Variants in CAST observed in about 807,000 individuals in gnomAD.
The protein encoded by CAST is calpastatin, also known as MIR583 host.
CAST carries 76 observed loss-of-function variants against 119.6 expected under a neutral mutation model. The observed-to-expected ratio is 0.64, with a 90% CI of 0.53 to 0.77. The LOEUF is 0.77. Among genes scored for constraint, CAST ranks in the 30% least tolerant of loss-of-function variants. The probability of loss-of-function intolerance (pLI) is 0.00; values close to 1 mark genes in which losing one functional copy is unlikely to be tolerated. For missense variants in CAST, 953 were observed against 946.5 expected (o/e 1.01, Z -0.09); for synonymous variants, 319 against 331.6 (o/e 0.96, Z 0.41).
At chr5:96,230,501 C>T in the CAST span, among the ~76,000 whole-genome samples, 4 of 152,130 alleles carry the variant, frequency 2.6e-5, no homozygotes, top group Non-Finnish European at 4.4e-5. Context: ...TCTCACTTTC[C>T]ATTCATTCAC....
At chr5:96,740,287 A>G (rs1024213486) in intron 12 of CAST, among the ~76,000 whole-genome samples, 169 bp downstream of exon 12, 2 of 152,168 alleles carry the variant, frequency 1.3e-5, no homozygotes, top group Admixed American at 1.3e-4. Context: ...TTAAGAAAGT[A>G]CCACAGATCG....
the CAST span, among the ~76,000 whole-genome samples, chr5:96,262,172 CAAACATTACTGTATAGTA>C: frequency 6.6e-6 from 1 of 152,176 alleles, no homozygotes; most frequent in Non-Finnish European, 1.5e-5. Context: ...ACACTCCCAT[CAAACATTACTGTATAGTA>C]AAAGTAGAAT....
At chr5:96,212,779 C>T in the CAST span, among the ~76,000 whole-genome samples, 8 of 152,124 alleles carry the variant, frequency 5.3e-5, no homozygotes, top group Non-Finnish European at 1.2e-4. Flanking sequence ...TTTGTACACA[C>T]ATTTACGACT....
intron 1 of CAST, among the ~76,000 whole-genome samples, chr5:96,559,098 G>A (rs1050502979): frequency 3.9e-5 from 6 of 152,042 alleles, no homozygotes; most frequent in African/African-American, 1.4e-4. Context: ...CAGAACCAAT[G>A]ACAAAAGCCA....
intron 20 of CAST, among the ~76,000 whole-genome samples, chr5:96,751,855 G>T (rs944885956): frequency 3.9e-5 from 6 of 152,122 alleles, no homozygotes; most frequent in Admixed American, 6.5e-5. Context: ...TGGATTGTTA[G>T]AAAGCAGACA....
At chr5:96,534,688 G>GAGGAGGGA (rs764479104) in intron 1 of CAST, among the ~76,000 whole-genome samples, 3 of 36,910 alleles carry the variant, frequency 8.1e-5, no homozygotes, top group Non-Finnish European at 1.1e-4. Flanking sequence ...GAGAGAGAGA[G>GAGGAGGGA]AGGAAGGAAG....
the CAST span, among the ~76,000 whole-genome samples, chr5:96,309,203 G>T: frequency 1.3e-5 from 2 of 152,214 alleles, no homozygotes; most frequent in African/African-American, 4.8e-5. Context: ...TTGCTGAGCT[G>T]CAGTGGGCTC....
chr5:96,302,931 C>T, the CAST span, among the ~76,000 whole-genome samples: 1 of 152,164 alleles, frequency 6.6e-6, no homozygotes, highest in Admixed American at 6.6e-5. Context: ...AAGTCACTTC[C>T]ACATTTTCAG....
the CAST span, among the ~76,000 whole-genome samples, chr5:96,499,302 T>C: frequency 3.3e-5 from 5 of 152,212 alleles, no homozygotes; most frequent in Non-Finnish European, 7.3e-5. Context: ...TCCAGACCAC[T>C]GCAATAAACA....
chr5:96,676,380 T>A (rs150911112), intron 2 of CAST, among the ~76,000 whole-genome samples: 1,996 of 152,354 alleles, frequency 0.013, 19 homozygotes, highest in Non-Finnish European at 0.02. Context: ...TCATTTTATT[T>A]TTCTCTATAT....
chr5:96,461,159 C>G, the CAST span, among the ~76,000 whole-genome samples: 1 of 152,152 alleles, frequency 6.6e-6, no homozygotes, highest in Non-Finnish European at 1.5e-5. Flanking sequence ...GCAATGCTTT[C>G]AAGATTCCTT....
At chr5:96,247,793 AG>A in the CAST span, 4 of 152,232 alleles carry the variant, frequency 2.6e-5, no homozygotes, top group Non-Finnish European at 4.4e-5. Flanking sequence ...TGCAAAGAAA[AG>A]CATCTACAGT....
At chr5:96,637,003 C>G (rs192067501) in intron 1 of CAST, among the ~76,000 whole-genome samples, 10 of 152,264 alleles carry the variant, frequency 6.6e-5, no homozygotes, top group Non-Finnish European at 1.2e-4. Flanking sequence ...CACAGTCCCC[C>G]CTCTGGGGTT....
In CAST at chr5:96,750,605, C is replaced by G; in HGVS notation, c.1447C>G (p.Pro483Ala). The G allele has an allele frequency of 6.2e-7, 1 of 1,612,728 alleles. No individual in the cohort carries two copies. The highest frequency in any genetic ancestry group is 8.5e-7 in the Non-Finnish European group (1 of 1,179,012). The change falls in exon 20 of 32, where the codon CCA becomes GCA. Residue 483 changes from proline to alanine, a missense_variant. Pro to Ala is a conservative substitution (Grantham distance 27). Coordinates refer to ENST00000675179, the MANE Select transcript of CAST (RefSeq NM_001750.7). ...TCCTCAGGAATCTAAGGCCGCTGCTCCAGCTCCTGTGTCGGAGGCTGTGTG... is the reference window on the plus strand; with the variant it reads ...TCCTCAGGAATCTAAGGCCGCTGCTGCAGCTCCTGTGTCGGAGGCTGTGTG... ...EKTEESKAAAPAPVSEAVCRT... is the reference protein window; with the variant it reads ...EKTEESKAAAAAPVSEAVCRT...
chr5:96,616,729 G>GCTCT (rs145351553), intron 1 of CAST, among the ~76,000 whole-genome samples: 9,942 of 138,364 alleles, frequency 0.072, 514 homozygotes, highest in East Asian at 0.25. Flanking sequence ...GCGCTCGCTC[G>GCTCT]CTCTCTCTCT....
chr5:96,208,962 C>A, the CAST span, among the ~76,000 whole-genome samples: 1 of 151,978 alleles, frequency 6.6e-6, no homozygotes, highest in Non-Finnish European at 1.5e-5. Flanking sequence ...ATCTATGTCT[C>A]TTCACAGGTC....
At chr5:96,458,563 A>G in the CAST span, among the ~76,000 whole-genome samples, 1 of 152,202 alleles carries the variant, frequency 6.6e-6, no homozygotes, top group Non-Finnish European at 1.5e-5. Context: ...ATAGCACAAA[A>G]AAAGTAAGAA....
chr5:95,983,586 A>G, the CAST span, among the ~76,000 whole-genome samples: 1 of 152,212 alleles, frequency 6.6e-6, no homozygotes, highest in Non-Finnish European at 1.5e-5. Context: ...CAAATATTGT[A>G]TGTGAATACA....
the CAST span, chr5:96,432,259 A>C: frequency 1.0e-5 from 8 of 768,784 alleles, no homozygotes; most frequent in East Asian, 2.7e-5. Flanking sequence ...TTCACCCACC[A>C]TTTCTCCCCC....
Sources: gnomAD v4.1 joint callset for allele counts (sites outside exome capture counted in the v4.1 genomes callset) on GRCh38, gnomAD v4.1.1 for gene constraint, MANE v1.5 for transcripts, NCBI Gene and HGNC (gene_info 2026-07-23, HGNC 2026-07-21) for gene names.